LMLN: variants seen among roughly 807,000 people sequenced by gnomAD.
LMLN encodes leishmanolysin like peptidase.
A neutral mutation model predicts 92.3 loss-of-function variants in LMLN; 70 were observed. That is an observed-to-expected ratio of 0.76 (90% CI 0.63 to 0.92). LMLN has a LOEUF of 0.92. Ranked by LOEUF, LMLN falls within the 40% of genes least tolerant of loss-of-function variation. LMLN has a pLI of 0.00. For synonymous variants in LMLN, 308 were observed against 296.2 expected, an observed-to-expected ratio of 1.04 and a Z score of -0.41; for missense variants, 691 against 814.6, an observed-to-expected ratio of 0.85 and a Z score of 1.85.
chr3:198,014,017 C>A (rs1166371802), intron 11 of LMLN, among the ~76,000 whole-genome samples: 1 of 131,980 alleles, frequency 7.6e-6, no homozygotes, highest in East Asian at 2.2e-4. Context: ...GACTTCTCTC[C>A]ACCCTTTAGA....
At chr3:198,039,016 C>G (rs1478732908) in exon 16 of LMLN, 1 of 242,506 alleles carries the variant, frequency 4.1e-6, no homozygotes, top group Admixed American at 5.1e-5. Context: ...ATCAGCAACC[C>G]AACCACCTCA....
intron 11 of LMLN, among the ~76,000 whole-genome samples, chr3:198,000,912 T>A (rs1293465982): frequency 1.4e-5 from 2 of 139,880 alleles, no homozygotes; most frequent in Non-Finnish European, 3.0e-5. Flanking sequence ...AGTTTTTATT[T>A]TTATTATTTT....
At chr3:197,961,586 G>C (rs1581121655) in intron 1 of LMLN, among the ~76,000 whole-genome samples, 1 of 152,082 alleles carries the variant, frequency 6.6e-6, no homozygotes, top group East Asian at 1.9e-4. Context: ...ATAAGAGAAA[G>C]AGTCCTGGTC....
intron 1 of LMLN, among the ~76,000 whole-genome samples, chr3:197,963,339 G>A (rs1471316746): frequency 6.6e-6 from 1 of 151,878 alleles, no homozygotes; most frequent in African/African-American, 2.4e-5. Flanking sequence ...AAGTAGCTGG[G>A]ACTCCCAAGT....
chr3:197,996,124 T>A (rs1231577182), intron 9 of LMLN, 51 bp from the exon 10 acceptor site: 1 of 991,766 alleles, frequency 1.0e-6, no homozygotes, highest in African/African-American at 1.7e-5. Context: ...TGCTGTTATC[T>A]TACGGTACTT....
chr3:197,981,315 A>G (rs998588456), intron 6 of LMLN, among the ~76,000 whole-genome samples: 3 of 150,716 alleles, frequency 2.0e-5, no homozygotes, highest in Non-Finnish European at 4.4e-5. Context: ...GAGCTTGCAG[A>G]GAGCTGTGAT....
chr3:198,018,220 A>G (rs1261864564), intron 11 of LMLN, among the ~76,000 whole-genome samples: 2 of 152,236 alleles, frequency 1.3e-5, no homozygotes, highest in Non-Finnish European at 2.9e-5. Flanking sequence ...CATGGTATCA[A>G]GAAAGTAACT....
At chr3:198,038,304 G>T in intron 15 of LMLN, 1 of 393,226 alleles carries the variant, frequency 2.5e-6, no homozygotes, top group Non-Finnish European at 4.7e-6. Flanking sequence ...CTTTGCTGGG[G>T]TACTACCCCA....
chr3:198,036,136 A>G, intron 15 of LMLN, 93 bp downstream of exon 16: 1 of 1,141,740 alleles, frequency 8.8e-7, no homozygotes, highest in East Asian at 2.4e-5. Context: ...AGGAAGCTCT[A>G]AAACAAGTTG....
intron 8 of LMLN, 135 bp from the exon 9 acceptor site, chr3:197,990,424 T>G (rs1423680919): frequency 2.1e-6 from 1 of 481,130 alleles, no homozygotes. Context: ...TGTTTGGACT[T>G]GATACATAGG....
chr3:197,961,523 T>TA (rs933636770), intron 1 of LMLN, among the ~76,000 whole-genome samples: 4 of 152,252 alleles, frequency 2.6e-5, no homozygotes, highest in East Asian at 1.9e-4. Context: ...CTGAATTCTT[T>TA]AAAAAAAATT....
intron 6 of LMLN, among the ~76,000 whole-genome samples, chr3:197,982,373 G>A (rs1300986144): frequency 1.3e-5 from 2 of 151,630 alleles, no homozygotes; most frequent in African/African-American, 2.4e-5. Flanking sequence ...CTACAGGTGC[G>A]CACCACCACG....
chr3:198,036,908 C>T (rs1723250319), intron 15 of LMLN, among the ~76,000 whole-genome samples: 1 of 152,144 alleles, frequency 6.6e-6, no homozygotes, highest in South Asian at 2.1e-4. Flanking sequence ...AACTGCATTG[C>T]CCTTTGCCTA....
intron 11 of LMLN, among the ~76,000 whole-genome samples, chr3:198,002,327 C>A (rs972983885): frequency 5.3e-5 from 8 of 152,144 alleles, no homozygotes; most frequent in Non-Finnish European, 1.2e-4. Flanking sequence ...GACAGGGTCT[C>A]ACCATGTTGG....
intron 14 of LMLN, among the ~76,000 whole-genome samples, chr3:198,029,582 A>G (rs1723022842): frequency 6.6e-6 from 1 of 152,152 alleles, no homozygotes; most frequent in Non-Finnish European, 1.5e-5. Flanking sequence ...CTGAGGCATG[A>G]GAATCGCTTG....
chr3:197,973,529 C>T (rs577251212), intron 1 of LMLN, among the ~76,000 whole-genome samples: 1 of 152,164 alleles, frequency 6.6e-6, no homozygotes, highest in African/African-American at 2.4e-5. Context: ...GGATTACAGG[C>T]GTGAGCCACC....
At chr3:197,964,022 A>T (rs1416238098) in intron 1 of LMLN, among the ~76,000 whole-genome samples, 1 of 152,164 alleles carries the variant, frequency 6.6e-6, no homozygotes. Flanking sequence ...TTTTCTGGTA[A>T]TTATTGAGAT....
chr3:198,012,808 C>T (rs34974991), intron 11 of LMLN, among the ~76,000 whole-genome samples: 4 of 144,310 alleles, frequency 2.8e-5, no homozygotes, highest in Non-Finnish European at 4.5e-5. Flanking sequence ...CCCTTCAGAG[C>T]CCCCTAACTA....
intron 7 of LMLN, among the ~76,000 whole-genome samples, chr3:197,985,210 T>G (rs1426059894): frequency 6.6e-6 from 1 of 152,158 alleles, no homozygotes; most frequent in Non-Finnish European, 1.5e-5. Context: ...TTTTCAGCTC[T>G]GGTCCAGCTC....
Sources: allele counts gnomAD v4.1 joint callset (sites outside exome capture counted in the v4.1 genomes callset), GRCh38; gene constraint gnomAD v4.1.1; transcripts MANE v1.5; gene names NCBI Gene and HGNC (gene_info 2026-07-23, HGNC 2026-07-21).